Variants in LRRN2 observed in about 807,000 individuals in gnomAD.
The protein encoded by LRRN2 is leucine-rich repeat neuronal protein 2.
LRRN2 carries 10 observed loss-of-function variants against 35.7 expected under a neutral mutation model. The observed-to-expected ratio is 0.28, with a 90% CI of 0.17 to 0.47. The LOEUF (loss-of-function observed/expected upper bound fraction) is 0.47. LRRN2 is among the 20% of genes least tolerant of loss of function. The pLI is 0.99. For missense variants in LRRN2, 731 were observed against 940.3 expected (o/e 0.78, Z 2.91); for synonymous variants, 391 against 409.6 (o/e 0.95, Z 0.55).
chr1:204,646,158 A>AG (rs1302078002), intron 1 of LRRN2, among the ~76,000 whole-genome samples: 1 of 152,088 alleles, frequency 6.6e-6, no homozygotes, highest in Admixed American at 6.5e-5. Flanking sequence ...AAAGATGGGG[A>AG]GGGGGGACTC....
chr1:204,676,124 A>T (rs1374220937), intron 1 of LRRN2, among the ~76,000 whole-genome samples: 1 of 149,166 alleles, frequency 6.7e-6, no homozygotes, highest in African/African-American at 2.5e-5. Flanking sequence ...ATTTCCATGC[A>T]AGGTTACATG....
At chr1:204,681,636 AC>A (rs1290362373) in intron 1 of LRRN2, among the ~76,000 whole-genome samples, 1 of 152,182 alleles carries the variant, frequency 6.6e-6, no homozygotes, top group Non-Finnish European at 1.5e-5. Flanking sequence ...TGTCCCCTGC[AC>A]CTAGCACAGA....
chr1:204,682,359 A>G (rs1186110922), intron 1 of LRRN2, among the ~76,000 whole-genome samples: 1 of 152,186 alleles, frequency 6.6e-6, no homozygotes, highest in African/African-American at 2.4e-5. Context: ...GCAAATCCTT[A>G]TACATATTAA....
At chr1:204,666,640 G>A (rs886346269) in intron 1 of LRRN2, among the ~76,000 whole-genome samples, 12 of 152,236 alleles carry the variant, frequency 7.9e-5, no homozygotes, top group African/African-American at 2.9e-4. Context: ...CAACTACTTG[G>A]ATGAACCTCA....
intron 1 of LRRN2, among the ~76,000 whole-genome samples, chr1:204,630,525 C>A (rs571166519): frequency 1.3e-5 from 2 of 152,066 alleles, no homozygotes; most frequent in East Asian, 1.9e-4. Context: ...AGATAAGTCA[C>A]GCCGCGGAAG....
chr1:204,630,666 G>A (rs975612232), intron 1 of LRRN2, among the ~76,000 whole-genome samples: 1 of 151,916 alleles, frequency 6.6e-6, no homozygotes. Context: ...TGTCCGTCCT[G>A]GCCACCTCCT....
intron 1 of LRRN2, among the ~76,000 whole-genome samples, chr1:204,657,337 T>TACACACAC (rs201153877): frequency 0.45 from 47,649 of 105,848 alleles, 8,934 homozygotes; most frequent in Admixed American, 0.54. Context: ...TATATATGTA[T>TACACACAC]ATATACACAC....
chr1:204,636,825 A>G (rs1165425344), intron 1 of LRRN2, among the ~76,000 whole-genome samples: 1 of 152,114 alleles, frequency 6.6e-6, no homozygotes, highest in African/African-American at 2.4e-5. Flanking sequence ...AATTAAATCA[A>G]TCTCTGAGTA....
At chr1:204,661,665 T>G (rs1219766784) in intron 1 of LRRN2, among the ~76,000 whole-genome samples, 2 of 152,214 alleles carry the variant, frequency 1.3e-5, no homozygotes, top group African/African-American at 4.8e-5. Flanking sequence ...TTAGATGGCC[T>G]AAGCGCCATC....
intron 1 of LRRN2, among the ~76,000 whole-genome samples, chr1:204,649,860 G>A (rs929419704): frequency 6.6e-6 from 1 of 152,176 alleles, no homozygotes; most frequent in Admixed American, 6.5e-5. Context: ...GCCAGGCAGA[G>A]GCAACCTGGC....
Position 204,617,516 on chromosome 1 carries a change from C to G in LRRN2, c.*335G>C. 1 of 328,128 alleles carries G rather than the reference C, an allele frequency of 3.0e-6. No homozygotes were observed. The highest frequency in any genetic ancestry group is 5.7e-6 in the Non-Finnish European group (1 of 176,508). 20.3% of individuals were successfully genotyped at this position (328,128 alleles called of 1,614,324 possible). ...AGAAAGAGAAGAGGAAGGGGTGCAG[C>G]CCGGGGACACAGGTAGGGGACAGCC... On this transcript the variant is annotated 3_prime_UTR_variant, in exon 2 of 2. Coordinates refer to ENST00000367177, the MANE Select transcript of LRRN2 (RefSeq NM_201630.2).
At chr1:204,660,999 G>A (rs1020292251) in intron 1 of LRRN2, among the ~76,000 whole-genome samples, 4 of 152,148 alleles carry the variant, frequency 2.6e-5, no homozygotes, top group African/African-American at 9.7e-5. Context: ...GATTGGGGCC[G>A]AATGTGATCT....
chr1:204,649,094 A>G (rs1359475756), intron 1 of LRRN2, among the ~76,000 whole-genome samples: 1 of 152,252 alleles, frequency 6.6e-6, no homozygotes, highest in African/African-American at 2.4e-5. Flanking sequence ...CATCAAAGCC[A>G]GGACAAGAAC....
intron 1 of LRRN2, among the ~76,000 whole-genome samples, chr1:204,658,469 C>T (rs528838086): frequency 6.6e-6 from 1 of 152,242 alleles, no homozygotes; most frequent in Non-Finnish European, 1.5e-5. Context: ...CTCATCTCTA[C>T]TCATACTTGT....
At chr1:204,636,484 C>T (rs1426675123) in intron 1 of LRRN2, among the ~76,000 whole-genome samples, 1 of 152,128 alleles carries the variant, frequency 6.6e-6, no homozygotes, top group Non-Finnish European at 1.5e-5. Flanking sequence ...GCCCGTAATC[C>T]CAATACTTTG....
At chr1:204,638,727 C>G (rs1248207595) in intron 1 of LRRN2, among the ~76,000 whole-genome samples, 1 of 152,130 alleles carries the variant, frequency 6.6e-6, no homozygotes, top group Admixed American at 6.5e-5. Context: ...CTAAGTAGTA[C>G]ATAGCGAGGA....
At position 204,631,256 on chromosome 1, in the gene LRRN2, C is replaced by CAATATATATATATATATATATATA. The variant is rs1282306008; in HGVS notation, c.-226-11039_-226-11038insTATATATATATATATATATATATT. On this transcript the variant is annotated intron_variant, in intron 1 of 1. Transcript: ENST00000367177. ...CAAGAAGAGTGATACCTAGAGTGTT[C>CAATATATATATATATATATATATA]TATATATATATATATATATATATAT... Among the ~76,000 whole-genome samples the CAATATATATATATATATATATATA allele has an allele frequency of 3.3e-4, 12 of 36,916 alleles. 3 individuals carry two copies. The highest frequency in any genetic ancestry group is 5.8e-4 in the African/African-American group (6 of 10,428). 24.2% of individuals were successfully genotyped at this position (36,916 alleles called of 152,430 possible).
intron 1 of LRRN2, among the ~76,000 whole-genome samples, chr1:204,622,712 C>A (rs955998303): frequency 6.6e-6 from 1 of 152,070 alleles, no homozygotes; most frequent in Non-Finnish European, 1.5e-5. Flanking sequence ...GGAACTGGAT[C>A]TATGGCCAGT....
chr1:204,647,263 T>C (rs952612893), intron 1 of LRRN2, among the ~76,000 whole-genome samples: 2 of 151,956 alleles, frequency 1.3e-5, no homozygotes, highest in African/African-American at 2.4e-5. Flanking sequence ...TCATGCCACA[T>C]TGAATAAATA....
Sources: gnomAD v4.1 joint callset for allele counts (sites outside exome capture counted in the v4.1 genomes callset) on GRCh38, gnomAD v4.1.1 for gene constraint, MANE v1.5 for transcripts, NCBI Gene and HGNC (gene_info 2026-07-23, HGNC 2026-07-21) for gene names.